The following RFX8 variants were observed in gnomAD, a reference collection of about 807,000 sequenced individuals.
The protein encoded by RFX8 is DNA-binding protein RFX8.
A neutral mutation model predicts 54.6 loss-of-function variants in RFX8; 46 were observed. The ratio of observed to expected loss-of-function variants is 0.84; its 90% CI spans 0.67 to 1.08. The LOEUF is 1.08. RFX8 is among the 50% of genes least tolerant of loss of function. The pLI, the probability that RFX8 is intolerant of heterozygous loss-of-function variation, is 0.00. For synonymous variants in RFX8, 192 were observed against 209.5 expected, an observed-to-expected ratio of 0.92 and a Z score of 0.72; for missense variants, 536 against 562.3, an observed-to-expected ratio of 0.95 and a Z score of 0.47.
intron 2 of RFX8, chr2:101,450,630 T>C: frequency 6.6e-7 from 1 of 1,516,504 alleles, no homozygotes; most frequent in Non-Finnish European, 8.9e-7. Context: ...GTAGCAATAC[T>C]GGGCATAGAA....
At chr2:101,400,866 G>C (rs544043309) in intron 11 of RFX8, among the ~76,000 whole-genome samples, 2 of 152,300 alleles carry the variant, frequency 1.3e-5, no homozygotes, top group South Asian at 4.1e-4. Context: ...TCTGCCGCCA[G>C]GTACAGCAGC....
intron 1 of RFX8, among the ~76,000 whole-genome samples, chr2:101,468,254 A>G (rs946860860): frequency 2.6e-5 from 4 of 152,202 alleles, no homozygotes; most frequent in African/African-American, 4.8e-5. Flanking sequence ...CTGGAAGCTT[A>G]AAAATCCAAG....
chr2:101,457,513 C>G (rs1689041691), intron 2 of RFX8, among the ~76,000 whole-genome samples: 1 of 152,234 alleles, frequency 6.6e-6, no homozygotes, highest in African/African-American at 2.4e-5. Flanking sequence ...TGTAGCTGTG[C>G]AATTTTGAGT....
intron 2 of RFX8, among the ~76,000 whole-genome samples, chr2:101,463,616 G>A (rs11679468): frequency 0.34 from 52,433 of 152,014 alleles, 9,685 homozygotes; most frequent in African/African-American, 0.44. Context: ...CGTGACCACT[G>A]AAAAGGGTGT....
rs943122454 is a variant in RFX8 at position 101,412,807 on chromosome 2, GTTATAAAGTTCT to G, written c.718+96_718+107del. 1.7e-5 allele frequency: 18 copies of G among 1,058,920 alleles called. No homozygotes were observed. The African/African-American group carries it at 2.7e-4, about 16-fold the overall frequency. 65.6% of individuals were successfully genotyped at this position (1,058,920 alleles called of 1,614,324 possible). ...TGAGCAGACAACTTAGAACATCGGAGTTATAAAGTTCTACCCCTATTAAGAAATTCATGAGTT... is the reference window on the plus strand; with the variant it reads ...TGAGCAGACAACTTAGAACATCGGAGACCCCTATTAAGAAATTCATGAGTT... On this transcript the variant is annotated intron_variant, in intron 8 of 11. Coordinates refer to ENST00000428343, the MANE Select transcript of RFX8 (RefSeq NM_001145664.2).
At chr2:101,434,758 T>C (rs1431259646) in intron 2 of RFX8, 4 of 152,086 alleles carry the variant, frequency 2.6e-5, no homozygotes, top group Admixed American at 2.0e-4. Flanking sequence ...TTTTTAGCAT[T>C]AGCAAGTTCC....
At chr2:101,440,965 A>ATTTTTT (rs1364358428) in intron 2 of RFX8, among the ~76,000 whole-genome samples, 1 of 41,918 alleles carries the variant, frequency 2.4e-5, no homozygotes, top group Admixed American at 2.2e-4. Context: ...CCCATGTTGA[A>ATTTTTT]ATTTTTTTTT....
rs1021188559 is a variant in RFX8 at position 101,413,055 on chromosome 2, A to G, written c.578T>C (p.Leu193Ser). ...AACGCTGACACGCCTCTTACTTTTC[A>G]ATACCATTCGCATAGTCTAAAGATA... ...SNMAKTMRMV[L>S]KSKRRVSVLK... is the part of the protein sequence containing the mutation. The change falls in exon 8 of 12, where the codon TTG becomes TCG. Residue 193 changes from leucine to serine, a missense_variant. By Grantham distance (145) the Leu-to-Ser change is moderately radical. Transcript: ENST00000428343. 29 of 1,551,896 alleles carry G rather than the reference A, an allele frequency of 1.9e-5. No individual in the cohort carries two copies. The highest frequency in any genetic ancestry group is 2.4e-5 in the Non-Finnish European group (28 of 1,147,012).
rs951405239 is a variant in RFX8 at position 101,455,300 on chromosome 2, A to T, written c.72+11477T>A. Among the ~76,000 whole-genome samples the T allele has an allele frequency of 2.0e-4, 30 of 152,160 alleles. 3 individuals carry two copies. Among genetic ancestry groups the T allele is most frequent in the Middle Eastern group, 6.8e-3 (2 of 294 alleles). ...AGTGCTGGGATTACAGGTGTGAGCC[A>T]CCATGCCTGGCTTGCCTAGGTTTTC... On this transcript the variant is annotated intron_variant, in intron 2 of 11. Coordinates refer to ENST00000428343, the MANE Select transcript of RFX8 (RefSeq NM_001145664.2).
intron 2 of RFX8, among the ~76,000 whole-genome samples, chr2:101,443,771 C>T (rs1252508812): frequency 6.6e-6 from 1 of 152,060 alleles, no homozygotes; most frequent in Non-Finnish European, 1.5e-5. Flanking sequence ...CAAAGAAAAG[C>T]CTGCACTCTG....
chr2:101,418,795 CA>C (rs1302175408), intron 5 of RFX8, 55 bp downstream of exon 5: 2 of 1,119,788 alleles, frequency 1.8e-6, no homozygotes, highest in Non-Finnish European at 2.7e-6. Context: ...CCAAACCCAG[CA>C]TTTGCTGCCA....
chr2:101,461,303 A>C (rs1006925427), intron 2 of RFX8, among the ~76,000 whole-genome samples: 1 of 151,810 alleles, frequency 6.6e-6, no homozygotes, highest in Non-Finnish European at 1.5e-5. Context: ...GAAAAAGAAA[A>C]GAAAAATGAC....
At chr2:101,459,787 T>C (rs1689168647) in intron 2 of RFX8, among the ~76,000 whole-genome samples, 1 of 152,210 alleles carries the variant, frequency 6.6e-6, no homozygotes, top group African/African-American at 2.4e-5. Context: ...CAGGGACGTT[T>C]AAGTCTGCAG....
At chr2:101,417,774 A>C (rs1686618103) in intron 5 of RFX8, 90 bp from the exon 6 acceptor site, 51 of 1,137,850 alleles carry the variant, frequency 4.5e-5, no homozygotes, top group Non-Finnish European at 4.7e-5. Context: ...GGCGGGTCTC[A>C]AGAAGTCTGA....
At chr2:101,418,672 A>G (rs552014354) in intron 5 of RFX8, among the ~76,000 whole-genome samples, 179 bp downstream of exon 5, 1 of 152,314 alleles carries the variant, frequency 6.6e-6, no homozygotes, top group South Asian at 2.1e-4. Flanking sequence ...CCATGAGGTA[A>G]TTCACAAAGG....
rs551879796 is a variant in RFX8, at chr2:101,445,335, G to A, written c.72+21442C>T. Among the ~76,000 whole-genome samples the A allele has an allele frequency of 4.6e-5, 7 of 152,184 alleles. No individual in the cohort carries two copies. In the South Asian group the frequency reaches 1.5e-3, roughly 32 times the overall value. Reference sequence around the variant, plus strand: ...TTGACTGGCACTCTGTTCAAATGGTGTTGTCTCAGGGAGGCCTCTCCATGA... The same window carrying A: ...TTGACTGGCACTCTGTTCAAATGGTATTGTCTCAGGGAGGCCTCTCCATGA... On this transcript the variant is annotated intron_variant, in intron 2 of 11. Transcript: ENST00000428343.
intron 4 of RFX8, chr2:101,421,492 A>T: frequency 8.3e-7 from 1 of 1,207,646 alleles, no homozygotes; most frequent in Non-Finnish European, 1.0e-6. Flanking sequence ...GCCTAAAGTT[A>T]TCTGTATTAG....
chr2:101,407,038 T>C (rs62156109), intron 9 of RFX8, among the ~76,000 whole-genome samples: 1 of 152,238 alleles, frequency 6.6e-6, no homozygotes, highest in Non-Finnish European at 1.5e-5. Flanking sequence ...AAGCCATCTG[T>C]AAGCCATGAG....
At chr2:101,421,889 G>T in intron 3 of RFX8, 112 bp from the exon 4 acceptor site, 2 of 752,286 alleles carry the variant, frequency 2.7e-6, no homozygotes, top group South Asian at 1.9e-5. Flanking sequence ...ATTCTCAAAT[G>T]ACAATAGCTG....
Sources: gnomAD v4.1 joint callset for allele counts (sites outside exome capture counted in the v4.1 genomes callset) on GRCh38, gnomAD v4.1.1 for gene constraint, MANE v1.5 for transcripts, NCBI Gene and HGNC (gene_info 2026-07-23, HGNC 2026-07-21) for gene names.